NVL: variants seen among roughly 807,000 people sequenced by gnomAD.
NVL encodes nuclear VCP like.
NVL carries 84 observed loss-of-function variants against 110.2 expected under a neutral mutation model. That is an observed-to-expected ratio of 0.76 (90% CI 0.64 to 0.91). The LOEUF (loss-of-function observed/expected upper bound fraction) is 0.91. Among genes scored for constraint, NVL ranks in the 40% least tolerant of loss-of-function variants. The pLI is 0.00. For missense variants in NVL, 882 were observed against 1,035.9 expected (o/e 0.85, Z 2.04); for synonymous variants, 354 against 361.1 (o/e 0.98, Z 0.22).
intron 18 of NVL, among the ~76,000 whole-genome samples, chr1:224,254,913 G>A (rs1003204535): frequency 4.5e-5 from 6 of 132,856 alleles, no homozygotes; most frequent in Non-Finnish European, 7.8e-5. Flanking sequence ...AGTCTCTGTC[G>A]CCAGGCTGGA....
In NVL at chr1:224,267,324, T is replaced by A. The variant is rs540219511; in HGVS notation, c.2182+710A>T. 2.0e-5 allele frequency among the ~76,000 whole-genome samples: 3 copies of A among 152,112 alleles called. No homozygotes were observed. In the South Asian group the frequency reaches 6.2e-4, roughly 32 times the overall value. On this transcript the variant is annotated intron_variant, in intron 18 of 22. Coordinates refer to ENST00000281701, the MANE Select transcript of NVL (RefSeq NM_002533.4). ...CTTTAACTTCTACTAGAGTGAAGAG[T>A]CTCGTTTTTGTTTCCTATAAGCTAG... is the stretch of plus-strand genomic sequence containing the variant.
At position 224,227,631 on chromosome 1, in the gene NVL, G is replaced by A. The variant is rs368763444; in HGVS notation, c.2566C>T (p.Arg856Trp). The change falls in exon 23 of 23, where the codon CGG becomes TGG. Residue 856 changes from arginine (R) to tryptophan (W), a missense_variant. Transcript: ENST00000281701. The stretch of plus-strand genomic sequence containing the variant: ...TAAGCCGGCTGCTGGAGACATCACC[G>A]GCTGAGGGACTCCTGCAAACGTTCA... ...MYERLQESLS[R>W] 34 of 1,611,034 alleles carry A rather than the reference G, an allele frequency of 2.1e-5. No individual in the cohort carries two copies. The highest frequency in any genetic ancestry group is 1.7e-4 in the Middle Eastern group (1 of 6,052).
At chr1:224,318,033 G>A (rs1395035947) in intron 2 of NVL, 103 bp from the exon 3 acceptor site, 3 of 751,528 alleles carry the variant, frequency 4.0e-6, no homozygotes, top group Non-Finnish European at 6.5e-6. Flanking sequence ...ATATTTCATT[G>A]TTACAGTATA....
intron 18 of NVL, among the ~76,000 whole-genome samples, chr1:224,255,147 G>A (rs1203074419): frequency 1.3e-5 from 2 of 149,354 alleles, no homozygotes; most frequent in East Asian, 2.0e-4. Flanking sequence ...GGGATTACAG[G>A]CATGAGCCAA....
chr1:224,321,901 T>C (rs1478743331), intron 2 of NVL, among the ~76,000 whole-genome samples: 1 of 152,038 alleles, frequency 6.6e-6, no homozygotes, highest in Non-Finnish European at 1.5e-5. Flanking sequence ...GGTGACTTAT[T>C]ATAGACATGG....
intron 12 of NVL, among the ~76,000 whole-genome samples, chr1:224,290,301 A>C (rs941250531): frequency 6.6e-6 from 1 of 152,236 alleles, no homozygotes; most frequent in African/African-American, 2.4e-5. Context: ...ATTGTTATTA[A>C]AGGAATATCT....
intron 19 of NVL, among the ~76,000 whole-genome samples, chr1:224,248,278 CT>C (rs1254458817): frequency 2.0e-5 from 3 of 152,202 alleles, no homozygotes; most frequent in Admixed American, 1.3e-4. Context: ...TCTATATCTT[CT>C]TTGTTATTCC....
At chr1:224,304,069 C>A (rs1324514669) in intron 8 of NVL, among the ~76,000 whole-genome samples, 1 of 152,122 alleles carries the variant, frequency 6.6e-6, no homozygotes, top group African/African-American at 2.4e-5. Context: ...ACATTATATA[C>A]CTTGAGGATG....
chr1:224,253,882 T>C (rs1662838676), intron 18 of NVL, among the ~76,000 whole-genome samples: 1 of 152,202 alleles, frequency 6.6e-6, no homozygotes, highest in African/African-American at 2.4e-5. Flanking sequence ...TTCAATCTTT[T>C]AGTTATTCTA....
At chr1:224,250,370 T>C in intron 18 of NVL, 52 bp from the exon 19 acceptor site, 1 of 1,437,104 alleles carries the variant, frequency 7.0e-7, no homozygotes, top group Non-Finnish European at 9.2e-7. Context: ...TATTTTTATT[T>C]TTTTATTTTT....
chr1:224,277,279 T>C (rs901744893), intron 16 of NVL, among the ~76,000 whole-genome samples: 1 of 152,202 alleles, frequency 6.6e-6, no homozygotes, highest in Non-Finnish European at 1.5e-5. Flanking sequence ...TGTACAAATA[T>C]AGCACACAGT....
chr1:224,328,172 T>A (rs1381527362), intron 1 of NVL, among the ~76,000 whole-genome samples: 1 of 152,080 alleles, frequency 6.6e-6, no homozygotes, highest in East Asian at 1.9e-4. Context: ...CCTGCACCCA[T>A]CAACCCGTCA....
At chr1:224,281,268 G>T in intron 15 of NVL, 83 bp from the exon 16 acceptor site, 1 of 1,084,388 alleles carries the variant, frequency 9.2e-7, no homozygotes, top group Non-Finnish European at 1.4e-6. Flanking sequence ...GTGTGACAAT[G>T]AAAGGACTCT....
intron 10 of NVL, chr1:224,298,295 T>C (rs1291003240): frequency 7.1e-6 from 2 of 280,012 alleles, no homozygotes; most frequent in Middle Eastern, 1.2e-3. Flanking sequence ...CCACAAGTGT[T>C]ACCACCACAA....
intron 22 of NVL, among the ~76,000 whole-genome samples, chr1:224,230,545 AGT>A (rs1385383656): frequency 1.3e-5 from 2 of 152,090 alleles, no homozygotes; most frequent in Admixed American, 6.6e-5. Context: ...CAGAGGTTGC[AGT>A]GAGCCAAGAT....
At chr1:224,251,500 T>G (rs1662501299) in intron 18 of NVL, among the ~76,000 whole-genome samples, 1 of 151,564 alleles carries the variant, frequency 6.6e-6, no homozygotes, top group Non-Finnish European at 1.5e-5. Flanking sequence ...ATTAGCTGGG[T>G]GTGGTGGTCC....
chr1:224,322,124 A>G (rs1670709933), intron 2 of NVL, among the ~76,000 whole-genome samples: 1 of 152,100 alleles, frequency 6.6e-6, no homozygotes, highest in South Asian at 2.1e-4. Flanking sequence ...TCTGTCACCC[A>G]CGCTTCAGTG....
intron 2 of NVL, among the ~76,000 whole-genome samples, chr1:224,324,765 T>A (rs1670979377): frequency 6.6e-6 from 1 of 152,020 alleles, no homozygotes; most frequent in South Asian, 2.1e-4. Flanking sequence ...GACTTAAGAG[T>A]TGATGCTAAA....
At chr1:224,293,358 C>T (rs527783903) in intron 12 of NVL, among the ~76,000 whole-genome samples, 2 of 152,110 alleles carry the variant, frequency 1.3e-5, no homozygotes, top group African/African-American at 4.8e-5. Context: ...CGTGAGCCAC[C>T]GTGCCTGGCC....
Sources: gnomAD v4.1 joint callset for allele counts (sites outside exome capture counted in the v4.1 genomes callset) on GRCh38, gnomAD v4.1.1 for gene constraint, MANE v1.5 for transcripts, NCBI Gene and HGNC (gene_info 2026-07-23, HGNC 2026-07-21) for gene names.